The following ZNF711 variants were observed in gnomAD, a reference collection of about 807,000 sequenced individuals.
ZNF711 encodes the protein zinc finger protein 711.
Under a neutral mutation model 43.5 loss-of-function variants are expected in ZNF711, and 3 were observed. That is an observed-to-expected ratio of 0.07 (90% CI 0.03 to 0.18). The LOEUF is 0.18. Among genes scored for constraint, ZNF711 ranks in the 10% least tolerant of loss-of-function variants. The probability of loss-of-function intolerance (pLI) is 1.00; values close to 1 mark genes in which losing one functional copy is unlikely to be tolerated. For synonymous variants in ZNF711, 209 were observed against 207.7 expected (o/e 1.01, Z -0.06); for missense variants, 412 against 604.0 (o/e 0.68, Z 3.33).
intron 1 of ZNF711, among the ~76,000 whole-genome samples, chrX:85,244,564 C>T (rs1347126494): frequency 1.8e-5 from 2 of 111,255 alleles, no homozygotes; most frequent in Non-Finnish European, 3.8e-5. Flanking sequence ...TCTCAGCTCT[C>T]CCTCCACCCC....
chrX:85,257,219 GTTTCAACT>G (rs750114978), intron 5 of ZNF711, among the ~76,000 whole-genome samples: 11 of 111,123 alleles, frequency 9.9e-5, no homozygotes, highest in Non-Finnish European at 1.5e-4. Context: ...GATTTGTTTG[GTTTCAACT>G]TTTATTTTAG....
intron 5 of ZNF711, among the ~76,000 whole-genome samples, chrX:85,258,141 C>T (rs1326463582): frequency 1.8e-5 from 2 of 112,137 alleles, no homozygotes; most frequent in Non-Finnish European, 3.8e-5. Context: ...AGCCGGAATG[C>T]CCATCAATCA....
intron 6 of ZNF711, among the ~76,000 whole-genome samples, chrX:85,264,736 T>G (rs2147855151): frequency 9.0e-6 from 1 of 110,831 alleles, no homozygotes; most frequent in African/African-American, 3.3e-5. Context: ...GGCAGGCTGC[T>G]TGGGTTTTAA....
chrX:85,270,953 A>C lies in ZNF711; in HGVS notation c.1549A>C (p.Lys517Gln). ...LSSNKLILRD[K>Q]EPKMHKCKYC... ...TTCCAATAAACTTATTTTAAGAGAC[A>C]AGGAGCCGAAGATGCACAAGTGCAA... The change falls in exon 11 of 11, where the codon AAG becomes CAG. Residue 517 changes from lysine (K) to glutamine (Q), a missense_variant. Lys to Gln is a moderately conservative substitution (Grantham distance 53). Around this residue, in one of 4 missense-constraint regions of ZNF711, gnomAD observed 375 missense variants for 514.2 expected, o/e 0.73. Transcript: ENST00000674551. 1 of 1,210,852 alleles carries C rather than the reference A, an allele frequency of 8.3e-7. No homozygotes were observed. The highest frequency in any genetic ancestry group is 1.1e-6 in the Non-Finnish European group (1 of 895,092).
At chrX:85,267,839 G>A (rs1045117643) in intron 8 of ZNF711, among the ~76,000 whole-genome samples, 11 of 111,279 alleles carry the variant, frequency 9.9e-5, no homozygotes, top group Non-Finnish European at 1.7e-4. Flanking sequence ...ATAATGAAAG[G>A]TAAATTTATC....
chrX:85,264,517 G>C, intron 6 of ZNF711, 87 bp downstream of exon 6: 1 of 909,556 alleles, frequency 1.1e-6, no homozygotes, highest in Non-Finnish European at 1.5e-6. Context: ...TGTTCTCAAA[G>C]CATGGGTTTT....
At chrX:85,256,342 A>G (rs888969158) in intron 5 of ZNF711, among the ~76,000 whole-genome samples, 3 of 112,324 alleles carry the variant, frequency 2.7e-5, no homozygotes, top group African/African-American at 9.7e-5. Flanking sequence ...GCTATTTAAC[A>G]TGTTTATTTT....
rs1930005248 is a variant in ZNF711, at chrX:85,255,154, A to G, written c.80-105A>G. On this transcript the variant is annotated intron_variant, in intron 4 of 10. Transcript: ENST00000674551. ...TTAAAAAATGATTTATTTGGCCAAG[A>G]TTACTTAATATTTAAGAAATATTTA... 1.1e-5 allele frequency: 9 copies of G among 784,296 alleles called. No individual in the cohort carries two copies. In the Admixed American group the frequency reaches 2.4e-4, roughly 21 times the overall value. 64.6% of individuals were successfully genotyped at this position (784,296 alleles called of 1,213,427 possible).
chrX:85,261,961 T>G (rs1014311673), intron 5 of ZNF711, among the ~76,000 whole-genome samples: 35 of 111,014 alleles, frequency 3.2e-4, no homozygotes, highest in Admixed American at 1.9e-4. Context: ...ATTTCGTACT[T>G]TCCATAACGA....
intron 8 of ZNF711, 26 bp from the exon 9 acceptor site, chrX:85,268,268 C>CTTTTTTTT (rs753221892): frequency 8.8e-6 from 8 of 909,950 alleles, no homozygotes; most frequent in African/African-American, 5.8e-5. Flanking sequence ...TGTAATTGGT[C>CTTTTTTTT]TTTTTTTTTT....
At position 85,247,555 on chromosome X, in the gene ZNF711, G is replaced by A; in HGVS notation, c.-18G>A. The A allele has an allele frequency of 2.5e-6, 3 of 1,187,867 alleles. No homozygotes were observed. Among genetic ancestry groups the A allele is most frequent in the Non-Finnish European group, 3.4e-6 (3 of 876,578 alleles). ...AGCCATTTCTTTTGCAGATATTGGTGAATGAACTTTGCTAAGTATGGATTC... is the reference window on the plus strand; with the variant it reads ...AGCCATTTCTTTTGCAGATATTGGTAAATGAACTTTGCTAAGTATGGATTC... On this transcript the variant is annotated 5_prime_UTR_variant, in exon 4 of 11. It removes the in-frame stop codon of an upstream open reading frame in the 5' UTR. Transcript: ENST00000674551.
At chrX:85,252,610 C>G (rs1487380657) in intron 4 of ZNF711, among the ~76,000 whole-genome samples, 2 of 111,834 alleles carry the variant, frequency 1.8e-5, no homozygotes, top group Non-Finnish European at 3.8e-5. Context: ...TAAAAAACCA[C>G]ATTTCTAGTC....
chrX:85,245,279 T>C (rs1465836156), intron 1 of ZNF711, among the ~76,000 whole-genome samples: 1 of 112,282 alleles, frequency 8.9e-6, no homozygotes, highest in Admixed American at 9.4e-5. Context: ...CTACTCCCCA[T>C]GCATTAATGG....
At chrX:85,251,673 A>G (rs1289212914) in intron 4 of ZNF711, among the ~76,000 whole-genome samples, 1 of 111,275 alleles carries the variant, frequency 9.0e-6, no homozygotes, top group South Asian at 3.8e-4. Context: ...TATTAACGCA[A>G]TTTAATGCTG....
At chrX:85,264,209 T>C (rs1246790963) in intron 5 of ZNF711, 66 bp from the exon 6 acceptor site, 25 of 959,401 alleles carry the variant, frequency 2.6e-5, no homozygotes, top group Non-Finnish European at 3.5e-5. Context: ...GTGGTAATTT[T>C]TCTTGTTTTG....
intron 5 of ZNF711, 81 bp downstream of exon 5, chrX:85,255,882 T>A: frequency 2.0e-6 from 2 of 981,981 alleles, no homozygotes; most frequent in Non-Finnish European, 2.8e-6. Context: ...GAGGGATATA[T>A]TCAATAAAAG....
In ZNF711 at chrX:85,251,494, G is replaced by A. The variant is rs180713143; in HGVS notation, c.80-3765G>A. ...CCTGACACGTAACAGATTTTATGCT[G>A]TCATTCTGGTGATGTTCCAAGTATT... On this transcript the variant is annotated intron_variant, in intron 4 of 10. Coordinates refer to ENST00000674551, the MANE Select transcript of ZNF711 (RefSeq NM_001330574.2). Among the ~76,000 whole-genome samples, 50 of 111,227 alleles carry A rather than the reference G, an allele frequency of 4.5e-4. No homozygotes were observed. The South Asian group carries it at 8.0e-3, about 18-fold the overall frequency.
In ZNF711 at chrX:85,271,577, A is replaced by G. The variant is rs367944400; in HGVS notation, c.2173A>G (p.Lys725Glu). 2 of 1,209,501 alleles carry G rather than the reference A, an allele frequency of 1.7e-6. No individual in the cohort carries two copies. Among genetic ancestry groups the G allele is most frequent in the African/African-American group, 3.5e-5 (2 of 57,218 alleles). The change falls in exon 11 of 11, where the codon AAA becomes GAA. Residue 725 changes from lysine (K) to glutamate (E), a missense_variant. Around this residue, in one of 4 missense-constraint regions of ZNF711, gnomAD observed 25 missense variants for 52.9 expected, o/e 0.47. Coordinates refer to ENST00000674551, the MANE Select transcript of ZNF711 (RefSeq NM_001330574.2). ...TACTAAAGATCAGCCATTGAAATGT[A>G]AAAGGTGCAAGAGAGGATTCAGACA... ...VHTKDQPLKC[K>E]RCKRGFRQQN...
At chrX:85,261,987 T>A (rs1930689949) in intron 5 of ZNF711, among the ~76,000 whole-genome samples, 1 of 111,143 alleles carries the variant, frequency 9.0e-6, no homozygotes. Context: ...ATAGAATAAA[T>A]CTTGGTCAAG....
Sources: gnomAD v4.1 joint callset for allele counts (sites outside exome capture counted in the v4.1 genomes callset) on GRCh38, gnomAD v4.1.1 for gene constraint, gnomAD v4.1.1 regional missense constraint, MANE v1.5 for transcripts, NCBI Gene and HGNC (gene_info 2026-07-23, HGNC 2026-07-21) for gene names.